The following FCHSD2 variants were observed in gnomAD, a reference collection of about 807,000 sequenced individuals.
The protein encoded by FCHSD2 is FCH and double SH3 domains 2.
Under a neutral mutation model 108.1 loss-of-function variants are expected in FCHSD2, and 38 were observed. The ratio of observed to expected loss-of-function variants is 0.35; its 90% CI spans 0.27 to 0.46. The LOEUF (loss-of-function observed/expected upper bound fraction) is 0.46. Ranked by LOEUF, FCHSD2 falls within the 20% of genes least tolerant of loss-of-function variation. FCHSD2 has a pLI of 1.00. For synonymous variants in FCHSD2, 279 were observed against 314.7 expected, an observed-to-expected ratio of 0.89 and a Z score of 1.20; for missense variants, 751 against 897.8, an observed-to-expected ratio of 0.84 and a Z score of 2.09.
At chr11:72,901,739 G>T (rs1855530036) in intron 10 of FCHSD2, among the ~76,000 whole-genome samples, 1 of 151,930 alleles carries the variant, frequency 6.6e-6, no homozygotes, top group Non-Finnish European at 1.5e-5. Flanking sequence ...CTAATTTGAG[G>T]TTTATGTAAG....
intron 8 of FCHSD2, among the ~76,000 whole-genome samples, chr11:72,958,592 C>T (rs1428482263): frequency 6.6e-6 from 1 of 152,100 alleles, no homozygotes; most frequent in Non-Finnish European, 1.5e-5. Context: ...GGAACAAAAT[C>T]TAATAAGTGA....
intron 13 of FCHSD2, among the ~76,000 whole-genome samples, chr11:72,859,647 G>C (rs374415879): frequency 2.2e-4 from 33 of 152,256 alleles, no homozygotes; most frequent in African/African-American, 5.5e-4. Context: ...CACAGATAAG[G>C]GGGGACTGTA....
intron 3 of FCHSD2, among the ~76,000 whole-genome samples, chr11:73,073,803 T>G (rs537119549): frequency 6.6e-6 from 1 of 152,266 alleles, no homozygotes; most frequent in African/African-American, 2.4e-5. Flanking sequence ...CCACATAAAA[T>G]CAAATAATAA....
At chr11:73,099,776 T>C (rs1176223317) in intron 2 of FCHSD2, among the ~76,000 whole-genome samples, 1 of 152,216 alleles carries the variant, frequency 6.6e-6, no homozygotes, top group African/African-American at 2.4e-5. Flanking sequence ...AGAGAGTGAC[T>C]GCTCCAGCGG....
At chr11:72,909,088 C>T (rs568203042) in intron 9 of FCHSD2, among the ~76,000 whole-genome samples, 8 of 152,238 alleles carry the variant, frequency 5.3e-5, no homozygotes, top group East Asian at 3.9e-4. Context: ...CCTCTGTTGC[C>T]GATACTGCCG....
At chr11:72,957,241 A>T (rs1591434310) in intron 8 of FCHSD2, among the ~76,000 whole-genome samples, 1 of 126,764 alleles carries the variant, frequency 7.9e-6, no homozygotes, top group African/African-American at 3.1e-5. Context: ...TGTCCATGTG[A>T]TCTCATTGTT....
chr11:73,142,194 C>A lies in FCHSD2; in HGVS notation c.-317G>T. ...CCCAGGAGCAGGGGCGCGAGGGTCTCAGCCGGCCGGGCGGCGGGTTAGCCG... is the reference window on the plus strand; with the variant it reads ...CCCAGGAGCAGGGGCGCGAGGGTCTAAGCCGGCCGGGCGGCGGGTTAGCCG... On this transcript the variant is annotated 5_prime_UTR_variant, in exon 1 of 20. Transcript: ENST00000409418. 1 of 190,360 alleles carries A rather than the reference C, an allele frequency of 5.3e-6. No homozygotes were observed. The highest frequency in any genetic ancestry group is 1.1e-5 in the Non-Finnish European group (1 of 93,332). 11.8% of individuals were successfully genotyped at this position (190,360 alleles called of 1,614,324 possible).
intron 14 of FCHSD2, among the ~76,000 whole-genome samples, chr11:72,847,391 C>T (rs768851680): frequency 6.6e-6 from 1 of 152,122 alleles, no homozygotes; most frequent in Non-Finnish European, 1.5e-5. Flanking sequence ...GTATTCATTC[C>T]ACAATTATTT....
At chr11:72,939,871 G>C (rs958517154) in intron 8 of FCHSD2, among the ~76,000 whole-genome samples, 1 of 151,680 alleles carries the variant, frequency 6.6e-6, no homozygotes, top group Non-Finnish European at 1.5e-5. Context: ...TGCCCACCTT[G>C]GCCTCCCAAG....
At chr11:72,935,339 C>A (rs950307691) in intron 8 of FCHSD2, among the ~76,000 whole-genome samples, 12 of 152,132 alleles carry the variant, frequency 7.9e-5, no homozygotes, top group African/African-American at 2.9e-4. Context: ...GGCACAGATT[C>A]TTCAGCAATA....
chr11:72,859,446 C>G (rs7931372), intron 13 of FCHSD2, among the ~76,000 whole-genome samples: 151,902 of 152,356 alleles, frequency 1, 75,725 homozygotes, highest in Non-Finnish European at 1. Flanking sequence ...CAAAGCACTA[C>G]AGTAGTGCTG....
intron 13 of FCHSD2, among the ~76,000 whole-genome samples, chr11:72,861,276 CAACTT>C (rs1186642149): frequency 6.6e-6 from 1 of 151,630 alleles, no homozygotes; most frequent in African/African-American, 2.4e-5. Flanking sequence ...ATAAATCTGA[CAACTT>C]AGATGGAATG....
At chr11:72,964,650 G>C (rs903207163) in intron 8 of FCHSD2, among the ~76,000 whole-genome samples, 1 of 152,204 alleles carries the variant, frequency 6.6e-6, no homozygotes, top group Non-Finnish European at 1.5e-5. Context: ...GTTAACTTCC[G>C]AATCTACCTC....
Position 72,921,832 on chromosome 11 carries a change from C to A in FCHSD2, c.824G>T (p.Ser275Ile). 1 of 1,611,290 alleles carries A rather than the reference C, an allele frequency of 6.2e-7. No individual in the cohort carries two copies. Among genetic ancestry groups the A allele is most frequent in the Admixed American group, 1.7e-5 (1 of 59,732 alleles). The change falls in exon 9 of 20, where the codon AGC becomes ATC. Residue 275 changes from serine (S) to isoleucine (I), a missense_variant. Ser to Ile is a moderately radical substitution (Grantham distance 142). Transcript: ENST00000409418. ...NTFQFLLENSSKVVRDYNLQL... is the reference protein window; with the variant it reads ...NTFQFLLENSIKVVRDYNLQL... ...GTTGCACTAAAGGTAACTTACCTTG[C>A]TGGAGTTTTCTAATAAAAACTGGAA...
intron 3 of FCHSD2, among the ~76,000 whole-genome samples, chr11:73,078,982 G>C (rs1416697180): frequency 1.3e-5 from 2 of 152,158 alleles, no homozygotes; most frequent in African/African-American, 4.8e-5. Flanking sequence ...GCCTCACCAA[G>C]TGTTGGGATT....
At chr11:72,849,093 T>G (rs528541458) in intron 14 of FCHSD2, among the ~76,000 whole-genome samples, 1 of 152,144 alleles carries the variant, frequency 6.6e-6, no homozygotes, top group African/African-American at 2.4e-5. Context: ...GAGGAGTGAA[T>G]CTGGTGCATG....
At position 72,838,724 on chromosome 11, in the gene FCHSD2, A is replaced by G; in HGVS notation, c.*67T>C. 1 of 1,397,142 alleles carries G rather than the reference A, an allele frequency of 7.2e-7. No individual in the cohort carries two copies. The highest frequency in any genetic ancestry group is 9.9e-7 in the Non-Finnish European group (1 of 1,007,408). 86.5% of individuals were successfully genotyped at this position (1,397,142 alleles called of 1,614,324 possible). On this transcript the variant is annotated 3_prime_UTR_variant, in exon 20 of 20. Transcript: ENST00000409418. ...GTCATCATCATGCAAAGGTGCCTAA[A>G]AAACAAGACTGGCCAAACTCCAAGC... is the stretch of plus-strand genomic sequence containing the variant.
chr11:73,106,086 A>G (rs1454347665), intron 2 of FCHSD2, among the ~76,000 whole-genome samples: 1 of 152,244 alleles, frequency 6.6e-6, no homozygotes, highest in African/African-American at 2.4e-5. Context: ...GTTCACAGAA[A>G]AAGTAACTGA....
intron 8 of FCHSD2, among the ~76,000 whole-genome samples, chr11:72,949,047 C>T (rs961017118): frequency 6.6e-6 from 1 of 152,214 alleles, no homozygotes; most frequent in Non-Finnish European, 1.5e-5. Context: ...ATTAGTCACA[C>T]ACCATTAAGT....
Sources: allele counts gnomAD v4.1 joint callset (sites outside exome capture counted in the v4.1 genomes callset), GRCh38; gene constraint gnomAD v4.1.1; transcripts MANE v1.5; gene names NCBI Gene and HGNC (gene_info 2026-07-23, HGNC 2026-07-21).